Variants in DCUN1D1 observed in about 807,000 individuals in gnomAD.
DCUN1D1 encodes DCN1-like protein 1.
A neutral mutation model predicts 39.0 loss-of-function variants in DCUN1D1; 3 were observed. The observed-to-expected ratio is 0.08, with a 90% CI of 0.04 to 0.20. The LOEUF (loss-of-function observed/expected upper bound fraction) is 0.20. Ranked by LOEUF, DCUN1D1 falls within the 10% of genes least tolerant of loss-of-function variation. The pLI is 1.00. For synonymous variants in DCUN1D1, 82 were observed against 96.3 expected (o/e 0.85, Z 0.87); for missense variants, 158 against 302.4 (o/e 0.52, Z 3.54).
At chr3:182,952,151 T>G in intron 4 of DCUN1D1, among the ~76,000 whole-genome samples, 1 of 152,178 alleles carries the variant, frequency 6.6e-6, no homozygotes, top group East Asian at 1.9e-4. Flanking sequence ...TGAATACTCT[T>G]ATGTCCTCTC....
At chr3:182,967,364 T>G (rs1727726107) in intron 1 of DCUN1D1, among the ~76,000 whole-genome samples, 1 of 152,098 alleles carries the variant, frequency 6.6e-6, no homozygotes, top group Admixed American at 6.5e-5. Flanking sequence ...GAGTAATCTT[T>G]CCATAAATCA....
At chr3:182,948,962 C>T (rs537388532) in intron 4 of DCUN1D1, among the ~76,000 whole-genome samples, 29 of 150,472 alleles carry the variant, frequency 1.9e-4, no homozygotes, top group South Asian at 1.9e-3. Flanking sequence ...ACTAGAGAAT[C>T]GCTTGAAACC....
At chr3:182,948,196 C>T (rs991892387) in intron 4 of DCUN1D1, among the ~76,000 whole-genome samples, 2 of 152,200 alleles carry the variant, frequency 1.3e-5, no homozygotes, top group African/African-American at 4.8e-5. Flanking sequence ...TGAAGGACTG[C>T]TCTTCAATCC....
rs1218186480 is a variant in DCUN1D1, at chr3:182,938,756, A to G, written c.*6338T>C. ...CAACTAAATTTTTATAAATTCCAAG[A>G]GTCGTTAATTCTCAGCTATCTCAAA... On this transcript the variant is annotated 3_prime_UTR_variant, in exon 7 of 7. Coordinates refer to ENST00000292782, the MANE Select transcript of DCUN1D1 (RefSeq NM_020640.4). The G allele has an allele frequency of 1.3e-5, 2 of 152,216 alleles. No individual in the cohort carries two copies. The highest frequency in any genetic ancestry group is 4.8e-5 in the African/African-American group (2 of 41,460). The allele number at this position is 152,216 out of a possible 1,614,324, so 9.4% of individuals were successfully genotyped here. A position where few individuals can be genotyped will look rare whatever the true frequency, so the allele number is the denominator to read the frequency against.
At chr3:182,970,754 T>C (rs775916477) in intron 1 of DCUN1D1, among the ~76,000 whole-genome samples, 11 of 152,252 alleles carry the variant, frequency 7.2e-5, no homozygotes, top group Admixed American at 2.6e-4. Flanking sequence ...ATCTGAAATT[T>C]AGAAGAGCTA....
chr3:182,954,515 T>C (rs1726927043), intron 4 of DCUN1D1, among the ~76,000 whole-genome samples: 1 of 152,172 alleles, frequency 6.6e-6, no homozygotes. Flanking sequence ...ATGCCGGCAG[T>C]TTCTTCACCT....
chr3:182,975,851 TAAAAAAAAAA>T (rs533263687), intron 1 of DCUN1D1, among the ~76,000 whole-genome samples: 1 of 66,818 alleles, frequency 1.5e-5, no homozygotes, highest in African/African-American at 6.0e-5. Flanking sequence ...CCAGATATGC[TAAAAAAAAAA>T]AAAAAAAAAA....
intron 1 of DCUN1D1, among the ~76,000 whole-genome samples, chr3:182,969,505 C>CA (rs1393441814): frequency 5.3e-5 from 8 of 152,120 alleles, no homozygotes; most frequent in African/African-American, 1.9e-4. Flanking sequence ...TTCCCAAGAG[C>CA]AAAACCATGT....
intron 4 of DCUN1D1, chr3:182,951,142 A>G (rs1194574327): frequency 6.6e-6 from 1 of 152,080 alleles, no homozygotes; most frequent in East Asian, 1.9e-4. Flanking sequence ...TTTCTTTACC[A>G]ACTCAACATA....
intron 1 of DCUN1D1, among the ~76,000 whole-genome samples, chr3:182,969,548 T>C (rs1334080948): frequency 2.0e-5 from 3 of 152,196 alleles, no homozygotes; most frequent in Non-Finnish European, 4.4e-5. Flanking sequence ...TCAAATGTAA[T>C]ATATGCCATT....
intron 4 of DCUN1D1, among the ~76,000 whole-genome samples, chr3:182,953,012 T>G (rs1363944165): frequency 6.6e-6 from 1 of 152,232 alleles, no homozygotes; most frequent in Non-Finnish European, 1.5e-5. Flanking sequence ...AAATTTGCAC[T>G]TCTTGTCAAA....
At chr3:182,961,074 T>C in intron 4 of DCUN1D1, 152 bp downstream of exon 4, 1 of 584,950 alleles carries the variant, frequency 1.7e-6, no homozygotes, top group Non-Finnish European at 2.9e-6. Flanking sequence ...TGGTATTTTC[T>C]GATTAAAAAT....
upstream of DCUN1D1, among the ~76,000 whole-genome samples, chr3:182,982,245 C>G (rs767851221): frequency 6.6e-6 from 1 of 152,192 alleles, no homozygotes; most frequent in Non-Finnish European, 1.5e-5. Context: ...ACTCTGACCA[C>G]TCTCCTTTGC....
At chr3:182,979,162 C>G (rs540803620) in intron 1 of DCUN1D1, among the ~76,000 whole-genome samples, 192 of 152,290 alleles carry the variant, frequency 1.3e-3, no homozygotes, top group African/African-American at 4.5e-3. Context: ...ATACATTAAC[C>G]TGCACTTTAA....
intron 4 of DCUN1D1, among the ~76,000 whole-genome samples, chr3:182,959,539 T>A (rs1727276293): frequency 6.9e-6 from 1 of 144,732 alleles, no homozygotes. Flanking sequence ...TCATTTACCT[T>A]CACTGGGTAA....
At chr3:182,956,787 T>C (rs961323152) in intron 4 of DCUN1D1, among the ~76,000 whole-genome samples, 1 of 152,204 alleles carries the variant, frequency 6.6e-6, no homozygotes, top group African/African-American at 2.4e-5. Flanking sequence ...CTAAAAATGA[T>C]ATGGCTGCTA....
rs528897079 is a variant in DCUN1D1 at position 182,973,934 on chromosome 3, A to T, written c.3+6553T>A. ...TGAAAATTTAAAAGATTTTCTCTCC[A>T]CCCCTCAGAATTACTAGTCAAAATT... On this transcript the variant is annotated intron_variant, in intron 1 of 6. Transcript: ENST00000292782. Among the ~76,000 whole-genome samples the T allele has an allele frequency of 3.2e-4, 48 of 152,084 alleles. No individual in the cohort carries two copies. The South Asian group carries it at 6.2e-3, about 20-fold the overall frequency.
chr3:182,957,638 A>C (rs1478350493), intron 4 of DCUN1D1, among the ~76,000 whole-genome samples: 1 of 151,826 alleles, frequency 6.6e-6, no homozygotes, highest in Non-Finnish European at 1.5e-5. Context: ...AAACAAATCA[A>C]AAAAAAATGT....
At chr3:182,956,864 G>T (rs79826907) in intron 4 of DCUN1D1, among the ~76,000 whole-genome samples, 4,001 of 152,172 alleles carry the variant, frequency 0.026, 72 homozygotes, top group East Asian at 0.1. Flanking sequence ...ACAGACCCAC[G>T]GTGTTCTATA....
Sources: gnomAD v4.1 joint callset for allele counts (sites outside exome capture counted in the v4.1 genomes callset) on GRCh38, gnomAD v4.1.1 for gene constraint, MANE v1.5 for transcripts, NCBI Gene and HGNC (gene_info 2026-07-23, HGNC 2026-07-21) for gene names.